The following WDR19 variants were observed in gnomAD, a reference collection of about 807,000 sequenced individuals.
WDR19 encodes the protein WD repeat-containing protein 19.
A neutral mutation model predicts 180.0 loss-of-function variants in WDR19; 121 were observed. The observed-to-expected ratio is 0.67, with a 90% CI of 0.58 to 0.78. The LOEUF (loss-of-function observed/expected upper bound fraction) is 0.78, where lower values mean the gene tolerates loss of function less well. WDR19 is among the 30% of genes least tolerant of loss of function. WDR19 has a pLI of 0.00. For synonymous variants in WDR19, 497 were observed against 540.7 expected, an observed-to-expected ratio of 0.92 and a Z score of 1.12; for missense variants, 1,450 against 1,640.7, an observed-to-expected ratio of 0.88 and a Z score of 2.01.
At chr4:39,251,558 A>G (rs1577995136) in intron 24 of WDR19, among the ~76,000 whole-genome samples, 1 of 152,210 alleles carries the variant, frequency 6.6e-6, no homozygotes, top group Admixed American at 6.5e-5. Flanking sequence ...AGAAACCAAC[A>G]TCAGAGTGAA....
At chr4:39,245,616 G>A (rs1230961718) in intron 24 of WDR19, among the ~76,000 whole-genome samples, 164 bp downstream of exon 24, 2 of 152,100 alleles carry the variant, frequency 1.3e-5, no homozygotes, top group African/African-American at 4.8e-5. Flanking sequence ...AAATCCTCCT[G>A]TACCTCATAT....
Position 39,205,647 on chromosome 4 carries a change from G to T in WDR19, c.801G>T (p.Glu267Asp). The change falls in exon 9 of 37, where the codon GAG becomes GAT. Residue 267 changes from glutamate to aspartate, a missense_variant. Coordinates refer to ENST00000399820, the MANE Select transcript of WDR19 (RefSeq NM_025132.4). Reference protein sequence around the residue: ...ISTHTGELGQEIFQARNHKDN... With the variant: ...ISTHTGELGQDIFQARNHKDN... ...CTCATACTGGAGAGCTTGGTCAAGA[G>T]ATATTTCAGGCTCGTAACCATAAAG... 1 of 1,612,754 alleles carries T rather than the reference G, an allele frequency of 6.2e-7. No homozygotes were observed. The highest frequency in any genetic ancestry group is 2.2e-5 in the East Asian group (1 of 44,848).
chr4:39,223,760 T>C (rs1729950947), intron 14 of WDR19, among the ~76,000 whole-genome samples: 1 of 152,208 alleles, frequency 6.6e-6, no homozygotes, highest in African/African-American at 2.4e-5. Flanking sequence ...TTGATTACTA[T>C]AGCTATAAAA....
In WDR19 at chr4:39,186,907, T is replaced by G. The variant is rs571975409; in HGVS notation, c.164+303T>G. Among the ~76,000 whole-genome samples the G allele has an allele frequency of 3.2e-4, 49 of 152,332 alleles. 1 individual carries two copies. In the South Asian group the frequency reaches 0.01, roughly 32 times the overall value. On this transcript the variant is annotated intron_variant, in intron 3 of 36. Transcript: ENST00000399820. ...TAAATTATAAACAAGTCTTAGTGTTTGTATAGGCAGATAAGATAAACCTGT... is the reference window on the plus strand; with the variant it reads ...TAAATTATAAACAAGTCTTAGTGTTGGTATAGGCAGATAAGATAAACCTGT...
At chr4:39,205,338 T>C (rs528023159) in intron 8 of WDR19, 72 bp downstream of exon 8, 1 of 1,354,518 alleles carries the variant, frequency 7.4e-7, no homozygotes, top group African/African-American at 1.5e-5. Flanking sequence ...TCCTTACTAA[T>C]TGTATTCAAT....
intron 34 of WDR19, 77 bp downstream of exon 34, chr4:39,277,220 A>G: frequency 7.0e-7 from 1 of 1,431,368 alleles, no homozygotes; most frequent in Non-Finnish European, 9.3e-7. Context: ...GTATGTCAAT[A>G]TTTTCTTCAC....
At chr4:39,217,507 G>C (rs1330044623) in intron 13 of WDR19, among the ~76,000 whole-genome samples, 1 of 152,140 alleles carries the variant, frequency 6.6e-6, no homozygotes, top group Non-Finnish European at 1.5e-5. Flanking sequence ...TAATTACCCT[G>C]TTGGTAAATT....
At chr4:39,224,643 G>A (rs185540521) in intron 14 of WDR19, among the ~76,000 whole-genome samples, 155 of 152,156 alleles carry the variant, frequency 1.0e-3, no homozygotes, top group African/African-American at 3.3e-3. Context: ...TGATCCGCCC[G>A]TCGTGGGCTC....
intron 15 of WDR19, among the ~76,000 whole-genome samples, chr4:39,226,245 TAAAC>T (rs1577927866): frequency 6.6e-6 from 1 of 152,200 alleles, no homozygotes; most frequent in Non-Finnish European, 1.5e-5. Context: ...AGGTCAGCCT[TAAAC>T]AAGGTGATTT....
chr4:39,213,565 A>G (rs1271508811), intron 9 of WDR19, among the ~76,000 whole-genome samples: 1 of 152,224 alleles, frequency 6.6e-6, no homozygotes, highest in Non-Finnish European at 1.5e-5. Context: ...CCCAGAGGTT[A>G]GAGATGGAGC....
chr4:39,282,324 C>T (rs145763229), intron 36 of WDR19, among the ~76,000 whole-genome samples: 1,735 of 152,308 alleles, frequency 0.011, 20 homozygotes, highest in Non-Finnish European at 0.017. Flanking sequence ...TAACAGCAGT[C>T]TGCCAATCTA....
At chr4:39,224,787 C>G in intron 14 of WDR19, 97 bp from the exon 15 acceptor site, 8 of 1,108,684 alleles carry the variant, frequency 7.2e-6, no homozygotes, top group Non-Finnish European at 8.7e-6. Context: ...ACATTTTTCT[C>G]TTAAAATTAG....
At chr4:39,195,226 G>A (rs1374792130) in intron 5 of WDR19, among the ~76,000 whole-genome samples, 1 of 151,820 alleles carries the variant, frequency 6.6e-6, no homozygotes, top group Non-Finnish European at 1.5e-5. Context: ...AATTAGCCGG[G>A]CACAGTGGCA....
chr4:39,228,544 G>T lies in WDR19; in HGVS notation c.1836G>T (p.Leu612=), dbSNP rs377428033. The change falls in exon 17 of 37, where the codon CTG becomes CTT. Residue 612 remains leucine, a synonymous_variant. Coordinates refer to ENST00000399820, the MANE Select transcript of WDR19 (RefSeq NM_025132.4). ...TKVPFAHKPL[L]LYNGELTCQT... Reference sequence around the variant, plus strand: ...TTCCTTTTGCTCATAAACCTTTGCTGCTATATAATGGAGAGCTGACCTGCC... The same window carrying T: ...TTCCTTTTGCTCATAAACCTTTGCTTCTATATAATGGAGAGCTGACCTGCC... 11 of 1,613,918 alleles carry T rather than the reference G, an allele frequency of 6.8e-6. No homozygotes were observed. The African/African-American group carries it at 1.3e-4, about 20-fold the overall frequency.
intron 14 of WDR19, among the ~76,000 whole-genome samples, chr4:39,222,069 T>G (rs1729761166): frequency 6.6e-6 from 1 of 152,218 alleles, no homozygotes; most frequent in Non-Finnish European, 1.5e-5. Flanking sequence ...CCAGTTCCTC[T>G]CTGTCCTCAC....
chr4:39,186,671 G>C, intron 3 of WDR19, 67 bp downstream of exon 3: 1 of 1,089,294 alleles, frequency 9.2e-7, no homozygotes, highest in African/African-American at 1.6e-5. Context: ...AAAAAATACT[G>C]CCTTAAAATT....
chr4:39,227,069 T>C (rs1730345594), intron 15 of WDR19, among the ~76,000 whole-genome samples: 1 of 152,194 alleles, frequency 6.6e-6, no homozygotes, highest in Non-Finnish European at 1.5e-5. Context: ...TAATGAGATA[T>C]TTTACAATCT....
intron 30 of WDR19, among the ~76,000 whole-genome samples, chr4:39,268,934 G>C (rs1340301471): frequency 6.6e-6 from 1 of 152,212 alleles, no homozygotes; most frequent in African/African-American, 2.4e-5. Flanking sequence ...GGTTGGGGTA[G>C]GGAGAGTTGG....
chr4:39,263,715 A>G (rs1237972345), intron 28 of WDR19, among the ~76,000 whole-genome samples: 1 of 152,158 alleles, frequency 6.6e-6, no homozygotes, highest in Non-Finnish European at 1.5e-5. Flanking sequence ...ACCTGAGGTC[A>G]GAAGTTCGAG....
Sources: gnomAD v4.1 joint callset for allele counts (sites outside exome capture counted in the v4.1 genomes callset) on GRCh38, gnomAD v4.1.1 for gene constraint, MANE v1.5 for transcripts, NCBI Gene and HGNC (gene_info 2026-07-23, HGNC 2026-07-21) for gene names.